Variants in CAST observed in about 807,000 individuals in gnomAD.
CAST encodes calpastatin, also known as MIR583 host.
CAST carries 76 observed loss-of-function variants against 119.6 expected under a neutral mutation model. That is an observed-to-expected ratio of 0.64 (90% CI 0.53 to 0.77). The LOEUF (loss-of-function observed/expected upper bound fraction) is 0.77. CAST is among the 30% of genes least tolerant of loss of function. The probability of loss-of-function intolerance (pLI) is 0.00; values close to 1 mark genes in which losing one functional copy is unlikely to be tolerated. For missense variants in CAST, 953 were observed against 946.5 expected, an observed-to-expected ratio of 1.01 and a Z score of -0.09; for synonymous variants, 319 against 331.6, an observed-to-expected ratio of 0.96 and a Z score of 0.41.
the CAST span, among the ~76,000 whole-genome samples, chr5:96,002,621 T>C: frequency 6.6e-6 from 1 of 152,036 alleles, no homozygotes; most frequent in South Asian, 2.1e-4. Flanking sequence ...GGGACTGTCT[T>C]AGCTCCTGAA....
chr5:96,163,932 T>C, the CAST span, among the ~76,000 whole-genome samples: 1 of 152,206 alleles, frequency 6.6e-6, no homozygotes. Context: ...TATTTAACAA[T>C]GGGCACATTA....
At chr5:96,430,660 G>A in the CAST span, among the ~76,000 whole-genome samples, 3 of 152,168 alleles carry the variant, frequency 2.0e-5, no homozygotes, top group South Asian at 4.1e-4. Context: ...GAAATAAGCA[G>A]AACCAGGAAC....
the CAST span, among the ~76,000 whole-genome samples, chr5:96,349,530 A>G: frequency 6.6e-6 from 1 of 151,864 alleles, no homozygotes; most frequent in Non-Finnish European, 1.5e-5. Context: ...TCTATTAAAA[A>G]CTCTTTGGCG....
chr5:96,741,744 G>A, intron 15 of CAST, 164 bp downstream of exon 15: 1 of 580,970 alleles, frequency 1.7e-6, no homozygotes, highest in South Asian at 2.1e-5. Flanking sequence ...ATCATCTCCA[G>A]GCAAGCCTTG....
the CAST span, among the ~76,000 whole-genome samples, chr5:96,020,000 AC>A: frequency 2.7e-3 from 409 of 152,330 alleles, 1 homozygote; most frequent in African/African-American, 8.8e-3. Context: ...TGGAATATGT[AC>A]AATTCATTTT....
chr5:96,553,057 T>A (rs1746165475), intron 1 of CAST, among the ~76,000 whole-genome samples: 1 of 152,186 alleles, frequency 6.6e-6, no homozygotes, highest in Non-Finnish European at 1.5e-5. Context: ...CTAACTCATT[T>A]TATGAGGCCA....
the CAST span, among the ~76,000 whole-genome samples, chr5:96,411,953 G>A: frequency 6.6e-6 from 1 of 152,088 alleles, no homozygotes. Flanking sequence ...GGGACTATAG[G>A]CATCTAAGTT....
the CAST span, among the ~76,000 whole-genome samples, chr5:96,065,504 T>A: frequency 6.6e-6 from 1 of 152,098 alleles, no homozygotes; most frequent in African/African-American, 2.4e-5. Context: ...GTGTATATAT[T>A]ACAACACAGT....
At chr5:96,369,384 C>T in the CAST span, among the ~76,000 whole-genome samples, 18 of 151,900 alleles carry the variant, frequency 1.2e-4, no homozygotes, top group African/African-American at 3.9e-4. Flanking sequence ...ACTGTTTTTG[C>T]TTGTTGGCTT....
chr5:96,556,707 T>C (rs1746247678), intron 1 of CAST, among the ~76,000 whole-genome samples: 2 of 152,126 alleles, frequency 1.3e-5, no homozygotes, highest in African/African-American at 4.8e-5. Context: ...TATGGGACTA[T>C]GTGAAAAGAC....
chr5:96,765,117 C>G, intron 25 of CAST, 104 bp from the exon 26 acceptor site: 1 of 709,140 alleles, frequency 1.4e-6, no homozygotes, highest in Admixed American at 2.3e-5. Context: ...TCTTTTTCTT[C>G]CAAGGAAACA....
the CAST span, among the ~76,000 whole-genome samples, chr5:96,227,213 C>T: frequency 2.6e-5 from 4 of 152,166 alleles, no homozygotes; most frequent in African/African-American, 9.7e-5. Flanking sequence ...TGCAATATTA[C>T]ATGGGGTTAT....
chr5:96,166,935 TGG>T, the CAST span, among the ~76,000 whole-genome samples: 2 of 152,182 alleles, frequency 1.3e-5, no homozygotes, highest in Non-Finnish European at 2.9e-5. Flanking sequence ...CTGCTTCCAG[TGG>T]GATTACGAGC....
chr5:96,376,968 C>T, the CAST span, among the ~76,000 whole-genome samples: 2 of 151,622 alleles, frequency 1.3e-5, no homozygotes, highest in Non-Finnish European at 2.9e-5. Context: ...CTGTGTAGGC[C>T]TAGGCTGTGT....
At chr5:96,739,705 G>T (rs181912931) in intron 11 of CAST, among the ~76,000 whole-genome samples, 2 of 152,220 alleles carry the variant, frequency 1.3e-5, no homozygotes, top group African/African-American at 4.8e-5. Context: ...TGGGTATTGG[G>T]TTATACATAA....
the CAST span, among the ~76,000 whole-genome samples, chr5:96,102,405 C>T: frequency 9.1e-4 from 139 of 152,256 alleles, no homozygotes; most frequent in Middle Eastern, 3.4e-3. Context: ...CACCTCCAGT[C>T]GAGCCAGTTC....
At chr5:96,117,341 C>T in the CAST span, among the ~76,000 whole-genome samples, 1 of 152,050 alleles carries the variant, frequency 6.6e-6, no homozygotes, top group Admixed American at 6.6e-5. Context: ...CACAAGAGTC[C>T]TCTCTTCTTG....
At chr5:96,324,336 T>G in the CAST span, among the ~76,000 whole-genome samples, 2 of 152,248 alleles carry the variant, frequency 1.3e-5, no homozygotes, top group African/African-American at 4.8e-5. Context: ...ACTCCAACAA[T>G]CTTACTACCT....
chr5:95,981,349 T>C, the CAST span, among the ~76,000 whole-genome samples: 1 of 152,248 alleles, frequency 6.6e-6, no homozygotes, highest in Non-Finnish European at 1.5e-5. Context: ...GAACAACTTC[T>C]GCCCCTAAAA....
Sources: gnomAD v4.1 joint callset for allele counts (sites outside exome capture counted in the v4.1 genomes callset) on GRCh38, gnomAD v4.1.1 for gene constraint, MANE v1.5 for transcripts, NCBI Gene and HGNC (gene_info 2026-07-23, HGNC 2026-07-21) for gene names.